The following ARHGAP24 variants were observed in gnomAD, a reference collection of about 807,000 sequenced individuals.
ARHGAP24 encodes the protein Rho GTPase activating protein 24.
A neutral mutation model predicts 76.4 loss-of-function variants in ARHGAP24; 50 were observed. The ratio of observed to expected loss-of-function variants is 0.65; its 90% CI spans 0.52 to 0.83. The LOEUF is 0.83. ARHGAP24 is among the 40% of genes least tolerant of loss of function. The pLI is 0.00. For synonymous variants in ARHGAP24, 345 were observed against 323.3 expected, an observed-to-expected ratio of 1.07 and a Z score of -0.72; for missense variants, 930 against 914.2, an observed-to-expected ratio of 1.02 and a Z score of -0.22.
At chr4:85,606,716 C>A (rs972491473) in intron 2 of ARHGAP24, among the ~76,000 whole-genome samples, 6 of 152,010 alleles carry the variant, frequency 3.9e-5, no homozygotes, top group African/African-American at 1.2e-4. Context: ...CTATTCCAAG[C>A]CCCAGGGATA....
chr4:85,741,633 A>G (rs1725832390), intron 3 of ARHGAP24, among the ~76,000 whole-genome samples: 2 of 152,292 alleles, frequency 1.3e-5, no homozygotes, highest in South Asian at 4.1e-4. Context: ...AGTTACCTGG[A>G]TGTGGGCCAT....
At chr4:85,920,661 A>T (rs1335394124) in intron 3 of ARHGAP24, among the ~76,000 whole-genome samples, 1 of 152,210 alleles carries the variant, frequency 6.6e-6, no homozygotes, top group African/African-American at 2.4e-5. Flanking sequence ...TCTATGAGGA[A>T]CTTAAACAAA....
chr4:85,645,802 T>C (rs1721700825), intron 2 of ARHGAP24, among the ~76,000 whole-genome samples: 1 of 152,118 alleles, frequency 6.6e-6, no homozygotes, highest in Admixed American at 6.6e-5. Flanking sequence ...ATGAAAAATA[T>C]ATATATGATA....
At chr4:85,817,945 G>A (rs1449463110) in intron 3 of ARHGAP24, among the ~76,000 whole-genome samples, 2 of 152,098 alleles carry the variant, frequency 1.3e-5, no homozygotes, top group Admixed American at 6.6e-5. Context: ...CTGATATCAC[G>A]ATAGAGTGAT....
At chr4:85,760,565 C>G (rs895648085) in intron 3 of ARHGAP24, among the ~76,000 whole-genome samples, 1 of 152,106 alleles carries the variant, frequency 6.6e-6, no homozygotes, top group Non-Finnish European at 1.5e-5. Flanking sequence ...AATCTGCTTC[C>G]AAACAGGAAA....
intron 5 of ARHGAP24, among the ~76,000 whole-genome samples, chr4:85,958,088 C>T (rs868617459): frequency 1.9e-4 from 29 of 152,124 alleles, no homozygotes; most frequent in African/African-American, 5.8e-4. Flanking sequence ...TTTGCAAGAA[C>T]GTAGTGTGGA....
In ARHGAP24 at chr4:85,567,602, A is replaced by G. The variant is rs139288783; in HGVS notation, c.-20-2920A>G. Among the ~76,000 whole-genome samples, 7 of 152,312 alleles carry G rather than the reference A, an allele frequency of 4.6e-5. No individual in the cohort carries two copies. The East Asian group carries it at 9.6e-4, about 21-fold the overall frequency. The stretch of plus-strand genomic sequence containing the variant: ...AACCTATTGCAAAATTGATTACTTC[A>G]TCAAACATTGATTGAGCTTCACTGC... On this transcript the variant is annotated intron_variant, in intron 1 of 9. Coordinates refer to ENST00000395184, the MANE Select transcript of ARHGAP24 (RefSeq NM_001025616.3).
intron 2 of ARHGAP24, among the ~76,000 whole-genome samples, chr4:85,652,412 C>G (rs11936106): frequency 1.4e-4 from 22 of 152,264 alleles, no homozygotes; most frequent in African/African-American, 4.3e-4. Flanking sequence ...CATGAGAAGT[C>G]AATCCATCAT....
chr4:85,679,541 T>TA (rs1475069527), intron 2 of ARHGAP24, among the ~76,000 whole-genome samples: 1 of 152,330 alleles, frequency 6.6e-6, no homozygotes, highest in East Asian at 1.9e-4. Flanking sequence ...TCCCTGGTCT[T>TA]ACTGGTCTCT....
chr4:85,521,770 T>G (rs1724764840), intron 1 of ARHGAP24, among the ~76,000 whole-genome samples: 2 of 152,174 alleles, frequency 1.3e-5, no homozygotes, highest in South Asian at 4.1e-4. Flanking sequence ...ACATATTCTT[T>G]CCAAATCTCA....
chr4:85,554,550 A>AT (rs1372126047), intron 1 of ARHGAP24, among the ~76,000 whole-genome samples: 1 of 151,740 alleles, frequency 6.6e-6, no homozygotes, highest in Admixed American at 6.6e-5. Context: ...GAGCTGTGAG[A>AT]TTTTTCCTCA....
At chr4:85,508,844 T>C (rs970293292) in intron 1 of ARHGAP24, among the ~76,000 whole-genome samples, 4 of 152,080 alleles carry the variant, frequency 2.6e-5, no homozygotes, top group Non-Finnish European at 4.4e-5. Flanking sequence ...GGCCTAGTCT[T>C]CCTATTGTCC....
intron 1 of ARHGAP24, among the ~76,000 whole-genome samples, chr4:85,524,851 T>C (rs1414641642): frequency 1.3e-5 from 2 of 152,166 alleles, no homozygotes; most frequent in Non-Finnish European, 2.9e-5. Context: ...CTGTATAATA[T>C]AGACCTAATA....
chr4:85,698,922 C>T (rs1723968881), intron 2 of ARHGAP24, among the ~76,000 whole-genome samples: 1 of 152,130 alleles, frequency 6.6e-6, no homozygotes, highest in Non-Finnish European at 1.5e-5. Context: ...CTCCTGTGAC[C>T]TGGTCATTGA....
intron 2 of ARHGAP24, among the ~76,000 whole-genome samples, chr4:85,613,258 T>G (rs1720454170): frequency 6.6e-6 from 1 of 152,226 alleles, no homozygotes; most frequent in Non-Finnish European, 1.5e-5. Context: ...GTAGTTTGCT[T>G]TCATCACTCA....
intron 2 of ARHGAP24, among the ~76,000 whole-genome samples, chr4:85,650,121 C>T (rs80196756): frequency 0.028 from 4,245 of 152,178 alleles, 200 homozygotes; most frequent in African/African-American, 0.096. Context: ...TACATGGTCG[C>T]TCCATAAATG....
At chr4:85,779,663 T>A (rs545458906) in intron 3 of ARHGAP24, among the ~76,000 whole-genome samples, 2 of 152,306 alleles carry the variant, frequency 1.3e-5, no homozygotes, top group Admixed American at 6.5e-5. Flanking sequence ...TGGAGGAACA[T>A]TTCTAAGAAG....
At chr4:85,503,417 A>T (rs1683018049) in intron 1 of ARHGAP24, among the ~76,000 whole-genome samples, 1 of 151,996 alleles carries the variant, frequency 6.6e-6, no homozygotes, top group Non-Finnish European at 1.5e-5. Context: ...CTATTCAGAG[A>T]TTCATCTTCT....
chr4:85,759,302 A>G (rs1422498014), intron 3 of ARHGAP24, among the ~76,000 whole-genome samples: 1 of 152,232 alleles, frequency 6.6e-6, no homozygotes, highest in East Asian at 1.9e-4. Flanking sequence ...AAGAAGGGAG[A>G]AATTACTTTT....
Sources: allele counts gnomAD v4.1 joint callset (sites outside exome capture counted in the v4.1 genomes callset), GRCh38; gene constraint gnomAD v4.1.1; transcripts MANE v1.5; gene names NCBI Gene and HGNC (gene_info 2026-07-23, HGNC 2026-07-21).